The following LRRC8C variants were observed in gnomAD, a reference collection of about 807,000 sequenced individuals.
The protein encoded by LRRC8C is leucine rich repeat containing 8 VRAC subunit C.
LRRC8C carries 20 observed loss-of-function variants against 55.3 expected under a neutral mutation model. That is an observed-to-expected ratio of 0.36 (90% CI 0.25 to 0.53). The LOEUF is 0.53. Among genes scored for constraint, LRRC8C ranks in the 20% least tolerant of loss-of-function variants. The pLI is 0.92. For synonymous variants in LRRC8C, 376 were observed against 360.7 expected, an observed-to-expected ratio of 1.04 and a Z score of -0.48; for missense variants, 659 against 951.4, an observed-to-expected ratio of 0.69 and a Z score of 4.04.
chr1:89,640,532 A>G (rs993096909), intron 1 of LRRC8C, among the ~76,000 whole-genome samples: 4 of 152,238 alleles, frequency 2.6e-5, no homozygotes, highest in Admixed American at 6.5e-5. Context: ...AGAAATTACT[A>G]TGAGAATGGC....
intron 1 of LRRC8C, among the ~76,000 whole-genome samples, chr1:89,643,679 G>A (rs1310720921): frequency 1.3e-5 from 2 of 152,118 alleles, no homozygotes; most frequent in Admixed American, 1.3e-4. Context: ...AGGATTTTTA[G>A]GTTCTCCTGG....
chr1:89,670,278 TGAA>T (rs1376969624), intron 1 of LRRC8C, among the ~76,000 whole-genome samples: 3 of 152,218 alleles, frequency 2.0e-5, no homozygotes, highest in African/African-American at 7.2e-5. Flanking sequence ...ACCCTAGTGC[TGAA>T]GAAGGTTTTC....
rs1557661441 is a variant in LRRC8C, at chr1:89,686,542, G to A, written c.69G>A (p.Trp23Ter). 2 of 1,614,182 alleles carry A rather than the reference G, an allele frequency of 1.2e-6. No individual in the cohort carries two copies. Among genetic ancestry groups the A allele is most frequent in the Non-Finnish European group, 8.5e-7 (1 of 1,180,034 alleles). Reference sequence around the variant, plus strand: ...CTGCCTTCCGAGTGCTGAAGCCATGGTGGGATGTGTTTACCGATTACCTCT... The same window carrying A: ...CTGCCTTCCGAGTGCTGAAGCCATGATGGGATGTGTTTACCGATTACCTCT... The part of the protein sequence containing the change: ...QQPAFRVLKP[W>*]WDVFTDYLSV... Residue 23 changes from tryptophan to a stop codon, truncating the protein, a stop_gained, in exon 2 of 3, where the codon TGG (tryptophan) becomes TGA (stop). Coordinates refer to ENST00000370454, the MANE Select transcript of LRRC8C (RefSeq NM_032270.5). LOFTEE classifies it high-confidence loss of function.
intron 1 of LRRC8C, among the ~76,000 whole-genome samples, chr1:89,645,285 G>A (rs1656578249): frequency 6.6e-6 from 1 of 152,094 alleles, no homozygotes; most frequent in East Asian, 1.9e-4. Flanking sequence ...GTAAAGAGTA[G>A]AGAATTTGAA....
intron 2 of LRRC8C, among the ~76,000 whole-genome samples, chr1:89,712,119 A>AT (rs891618055): frequency 3.9e-4 from 58 of 150,584 alleles, no homozygotes; most frequent in East Asian, 2.5e-3. Context: ...AGAATTGATA[A>AT]TTTTTTTTTT....
At chr1:89,705,347 G>A (rs963516664) in intron 2 of LRRC8C, among the ~76,000 whole-genome samples, 48 of 150,802 alleles carry the variant, frequency 3.2e-4, no homozygotes, top group Admixed American at 1.1e-3. Context: ...TGGGTGCAGC[G>A]CACCAGCATG....
intron 2 of LRRC8C, among the ~76,000 whole-genome samples, chr1:89,698,623 T>C (rs1271814208): frequency 1.3e-5 from 2 of 152,202 alleles, no homozygotes; most frequent in South Asian, 2.1e-4. Context: ...CATTATACTT[T>C]ACCACTGAGA....
intron 1 of LRRC8C, among the ~76,000 whole-genome samples, chr1:89,639,077 C>T (rs1338007424): frequency 1.3e-5 from 2 of 151,502 alleles, no homozygotes; most frequent in East Asian, 1.9e-4. Flanking sequence ...CCTCTGCCTC[C>T]TGGGTCCAGG....
chr1:89,680,105 G>A (rs932547287), intron 1 of LRRC8C, among the ~76,000 whole-genome samples: 6 of 145,302 alleles, frequency 4.1e-5, no homozygotes, highest in African/African-American at 7.7e-5. Flanking sequence ...ATGGAGTCTC[G>A]CTCTGTCACC....
chr1:89,645,565 A>C (rs1656587498), intron 1 of LRRC8C, among the ~76,000 whole-genome samples: 1 of 152,186 alleles, frequency 6.6e-6, no homozygotes, highest in Admixed American at 6.5e-5. Context: ...ATTCCTGGGT[A>C]TATTACCACA....
At chr1:89,664,455 GGTGTGGTGGTATTT>G (rs1223862660) in intron 1 of LRRC8C, among the ~76,000 whole-genome samples, 1 of 152,016 alleles carries the variant, frequency 6.6e-6, no homozygotes, top group African/African-American at 2.4e-5. Flanking sequence ...TGGTTGTAGA[GGTGTGGTGGTATTT>G]CTGAGGCCTC....
intron 2 of LRRC8C, among the ~76,000 whole-genome samples, chr1:89,701,826 G>A (rs574992605): frequency 5.3e-5 from 8 of 152,278 alleles, no homozygotes; most frequent in South Asian, 2.1e-4. Flanking sequence ...CAAGATGAGC[G>A]TTTCTGTGGA....
chr1:89,633,635 G>T (rs556613507), intron 1 of LRRC8C, among the ~76,000 whole-genome samples: 16 of 141,184 alleles, frequency 1.1e-4, no homozygotes, highest in South Asian at 2.1e-4. Flanking sequence ...GCGCGGGGGT[G>T]GGGGGGCGGT....
At position 89,715,671 on chromosome 1, in the gene LRRC8C, T is replaced by C. The variant is rs1387032455; in HGVS notation, c.*689T>C. 6.6e-6 allele frequency: 1 copy of C among 152,248 alleles called. No homozygotes were observed. The highest frequency in any genetic ancestry group is 2.4e-5 in the African/African-American group (1 of 41,472). The allele number at this position is 152,248 out of a possible 1,614,324, so 9.4% of individuals were successfully genotyped here. A position where few individuals can be genotyped will look rare whatever the true frequency, so the allele number is the denominator to read the frequency against. On this transcript the variant is annotated 3_prime_UTR_variant, in exon 3 of 3. Transcript: ENST00000370454. The stretch of plus-strand genomic sequence containing the variant: ...GCATTTTACCAACATTTTAAAAATA[T>C]TTAAAACCTAAATACAGAGGCTCCT...
At chr1:89,631,400 G>A (rs1656105504), upstream of LRRC8C, among the ~76,000 whole-genome samples, 1 of 152,162 alleles carries the variant, frequency 6.6e-6, no homozygotes, top group African/African-American at 2.4e-5. Context: ...GGATGCCTAA[G>A]CTTGTGGTCA....
At chr1:89,686,701 C>A (rs1657892720) in intron 2 of LRRC8C, 90 bp downstream of exon 2, 1 of 1,426,570 alleles carries the variant, frequency 7.0e-7, no homozygotes, top group Admixed American at 1.8e-5. Flanking sequence ...TGATTTTTAA[C>A]CATGTAAGTA....
chr1:89,694,707 C>T (rs1570731381), intron 2 of LRRC8C, among the ~76,000 whole-genome samples: 1 of 149,948 alleles, frequency 6.7e-6, no homozygotes, highest in Non-Finnish European at 1.5e-5. Flanking sequence ...CCTGCCTCAG[C>T]TTCCCTAGTA....
At chr1:89,659,625 A>G (rs1657059113) in intron 1 of LRRC8C, among the ~76,000 whole-genome samples, 1 of 151,150 alleles carries the variant, frequency 6.6e-6, no homozygotes, top group Non-Finnish European at 1.5e-5. Flanking sequence ...TTACAGTAAC[A>G]GTAATTAATT....
chr1:89,624,077 G>A, the LRRC8C span, among the ~76,000 whole-genome samples: 1 of 152,210 alleles, frequency 6.6e-6, no homozygotes, highest in Non-Finnish European at 1.5e-5. Flanking sequence ...ACAGGGAGAT[G>A]CAAAGAGAGC....
Sources: allele counts gnomAD v4.1 joint callset (sites outside exome capture counted in the v4.1 genomes callset), GRCh38; gene constraint gnomAD v4.1.1; transcripts MANE v1.5; gene names NCBI Gene and HGNC (gene_info 2026-07-23, HGNC 2026-07-21).